CFAP61: variants seen among roughly 807,000 people sequenced by gnomAD.
The protein encoded by CFAP61 is cilia- and flagella-associated protein 61.
CFAP61 carries 107 observed loss-of-function variants against 135.6 expected under a neutral mutation model. That is an observed-to-expected ratio of 0.79 (90% CI 0.67 to 0.93). The LOEUF is 0.93. CFAP61 is among the 40% of genes least tolerant of loss of function. The pLI is 0.00. For missense variants in CFAP61, 1,507 were observed against 1,556.2 expected, an observed-to-expected ratio of 0.97 and a Z score of 0.53; for synonymous variants, 575 against 578.5, an observed-to-expected ratio of 0.99 and a Z score of 0.09.
rs199619993 is a variant in CFAP61, at chr20:20,337,342, ATGGG to A, written c.3423-4477_3423-4474del. 1.3e-3 allele frequency among the ~76,000 whole-genome samples: 17 copies of A among 12,846 alleles called. 1 individual carries two copies. Among genetic ancestry groups the A allele is most frequent in the South Asian group, 6.0e-3 (1 of 166 alleles). The allele number at this position is 12,846 out of a possible 152,430, so 8.4% of individuals were successfully genotyped here. ...GATGGATGGATGGATGGATGGATAG[ATGGG>A]TGGGTGGGTGGATGGATGGATGGAT... On this transcript the variant is annotated intron_variant, in intron 25 of 26. Transcript: ENST00000245957.
chr20:20,326,537 G>T (rs2057753711), intron 25 of CFAP61, among the ~76,000 whole-genome samples: 1 of 152,062 alleles, frequency 6.6e-6, no homozygotes, highest in South Asian at 2.1e-4. Flanking sequence ...TGTAATATAA[G>T]AATTTAATTT....
chr20:20,265,384 T>C (rs199554614), intron 21 of CFAP61: 31 of 779,676 alleles, frequency 4.0e-5, no homozygotes, highest in Non-Finnish European at 1.9e-5. Context: ...GTCTCTTTCA[T>C]GTGCCTTTGT....
At chr20:20,185,428 G>T (rs75831413) in intron 13 of CFAP61, among the ~76,000 whole-genome samples, 2 of 152,132 alleles carry the variant, frequency 1.3e-5, no homozygotes, top group Admixed American at 6.5e-5. Flanking sequence ...TTGAGAAGTC[G>T]TTCCATTCTT....
intron 26 of CFAP61, among the ~76,000 whole-genome samples, chr20:20,355,123 TGTG>T (rs2059034728): frequency 1.1e-5 from 1 of 89,166 alleles, no homozygotes; most frequent in African/African-American, 4.1e-5. Flanking sequence ...GTGGTCACAC[TGTG>T]AGGGGAGGTG....
chr20:20,242,086 G>C (rs1490916966), intron 18 of CFAP61, among the ~76,000 whole-genome samples: 1 of 152,110 alleles, frequency 6.6e-6, no homozygotes, highest in African/African-American at 2.4e-5. Context: ...TTGCATTTCT[G>C]GCCTGCGCCA....
chr20:20,313,858 T>A (rs1024833814), intron 25 of CFAP61, among the ~76,000 whole-genome samples: 30 of 152,016 alleles, frequency 2.0e-4, no homozygotes, highest in African/African-American at 7.2e-4. Context: ...GTGGGGAAGG[T>A]CAAAGGGGAA....
chr20:20,074,199 C>T (rs1568837426), intron 3 of CFAP61, 103 bp from the exon 4 acceptor site: 3 of 868,652 alleles, frequency 3.5e-6, no homozygotes, highest in Admixed American at 3.5e-5. Context: ...AAATGCCAGG[C>T]TGTTCTGTGT....
At chr20:20,304,809 C>T (rs2056364672) in intron 25 of CFAP61, among the ~76,000 whole-genome samples, 3 of 151,914 alleles carry the variant, frequency 2.0e-5, no homozygotes, top group Admixed American at 2.0e-4. Context: ...CTTGAGATGC[C>T]GCCTGTCAGG....
intron 8 of CFAP61, among the ~76,000 whole-genome samples, chr20:20,114,897 G>A (rs150287782): frequency 2.6e-5 from 4 of 152,042 alleles, no homozygotes; most frequent in Non-Finnish European, 4.4e-5. Context: ...CTGTATTTCT[G>A]ATTTGCTAAG....
At chr20:20,090,670 C>T (rs902580816) in intron 6 of CFAP61, among the ~76,000 whole-genome samples, 174 bp from the exon 7 acceptor site, 2 of 116,814 alleles carry the variant, frequency 1.7e-5, no homozygotes, top group East Asian at 5.1e-4. Flanking sequence ...AGTCTGGCAA[C>T]AGAGTGAGAC....
chr20:20,264,204 C>A (rs1224230988), intron 21 of CFAP61, among the ~76,000 whole-genome samples: 3 of 152,134 alleles, frequency 2.0e-5, no homozygotes, highest in Non-Finnish European at 2.9e-5. Flanking sequence ...CCTCTAAATT[C>A]ATAAATGAGA....
chr20:20,199,811 A>G lies in CFAP61; in HGVS notation c.1841A>G (p.Tyr614Cys). ...YAHSLTSALH[Y>C]LVPVRPRRQI... ...CACTCCCTGACATCTGCCCTTCATT[A>G]CTTGGTTCCCGTGCGACCACGACGA... The change falls in exon 17 of 27, where the codon TAC (tyrosine) becomes TGC (cysteine). Residue 614 changes from tyrosine (Y) to cysteine (C), a missense_variant. Physicochemically the swap from Tyr to Cys is radical, Grantham distance 194. Coordinates refer to ENST00000245957, the MANE Select transcript of CFAP61 (RefSeq NM_015585.4). 6.2e-7 allele frequency: 1 copy of G among 1,613,974 alleles called. No homozygotes were observed. Among genetic ancestry groups the G allele is most frequent in the South Asian group, 1.1e-5 (1 of 91,068 alleles).
At chr20:20,170,349 C>T (rs973326774) in intron 13 of CFAP61, among the ~76,000 whole-genome samples, 1 of 151,908 alleles carries the variant, frequency 6.6e-6, no homozygotes, top group East Asian at 1.9e-4. Context: ...ATGTTTTAAA[C>T]AAATATGGCA....
intron 22 of CFAP61, among the ~76,000 whole-genome samples, chr20:20,280,307 G>A (rs1447783241): frequency 6.6e-6 from 1 of 152,194 alleles, no homozygotes; most frequent in African/African-American, 2.4e-5. Context: ...CCGTCAGGAA[G>A]TAGGAAGAGG....
intron 6 of CFAP61, chr20:20,085,179 C>T (rs6112750): frequency 0.11 from 108,606 of 985,314 alleles, 7,565 homozygotes; most frequent in East Asian, 0.63. Context: ...TGTGACGCTG[C>T]GGTGCCAAAT....
intron 8 of CFAP61, among the ~76,000 whole-genome samples, chr20:20,103,918 G>A (rs971802201): frequency 6.6e-6 from 1 of 152,120 alleles, no homozygotes; most frequent in African/African-American, 2.4e-5. Flanking sequence ...ATAAAAACAA[G>A]CAAAAAACAA....
At chr20:20,081,724 A>G (rs1436003628) in intron 6 of CFAP61, among the ~76,000 whole-genome samples, 1 of 152,202 alleles carries the variant, frequency 6.6e-6, no homozygotes, top group Non-Finnish European at 1.5e-5. Flanking sequence ...TCAGTGGACA[A>G]GGTTCACAAA....
chr20:20,150,440 G>A (rs1159427593), intron 9 of CFAP61, among the ~76,000 whole-genome samples: 1 of 152,200 alleles, frequency 6.6e-6, no homozygotes, highest in Non-Finnish European at 1.5e-5. Context: ...CTGGCTTGAG[G>A]CCAACCAACT....
At chr20:20,159,252 C>A in intron 9 of CFAP61, 118 bp from the exon 10 acceptor site, 1 of 855,518 alleles carries the variant, frequency 1.2e-6, no homozygotes, top group Non-Finnish European at 1.9e-6. Flanking sequence ...TTCCCAATGC[C>A]ACAAGGCCAG....
Sources: gnomAD v4.1 joint callset for allele counts (sites outside exome capture counted in the v4.1 genomes callset) on GRCh38, gnomAD v4.1.1 for gene constraint, MANE v1.5 for transcripts, NCBI Gene and HGNC (gene_info 2026-07-23, HGNC 2026-07-21) for gene names.